The following ITIH6 variants were observed in gnomAD, a reference collection of about 807,000 sequenced individuals.
ITIH6 encodes inter-alpha-trypsin inhibitor heavy chain family member 6, also known as inter-alpha-trypsin inhibitor heavy chain H6.
ITIH6 carries 60 observed loss-of-function variants against 58.2 expected under a neutral mutation model. That is an observed-to-expected ratio of 1.03 (90% CI 0.84 to 1.28). The LOEUF is 1.28. Among genes scored for constraint, ITIH6 ranks in the 50% most tolerant of loss-of-function variants. The pLI, the probability that ITIH6 is intolerant of heterozygous loss-of-function variation, is 0.00. For synonymous variants in ITIH6, 493 were observed against 417.4 expected, an observed-to-expected ratio of 1.18 and a Z score of -2.21; for missense variants, 1,290 against 1,021.1, an observed-to-expected ratio of 1.26 and a Z score of -3.59.
intron 6 of ITIH6, among the ~76,000 whole-genome samples, chrX:54,764,312 G>A (rs1427368657): frequency 3.6e-4 from 38 of 106,418 alleles, no homozygotes; most frequent in Admixed American, 3.4e-3. Flanking sequence ...ACATTGTGCA[G>A]GTTAGTTACA....
At position 54,757,201 on chromosome X, in the gene ITIH6, C is replaced by T. The variant is rs369780798; in HGVS notation, c.2873G>A (p.Gly958Glu). Residue 958 changes from glycine to glutamate, a missense_variant, in exon 8 of 13, where the codon GGA becomes GAA. Physicochemically the swap from Gly to Glu is moderately conservative, Grantham distance 98. Transcript: ENST00000218436. ...PGPQRTRQVL[G>E]PSRPGVPTMS... ...TGTTGGAACTCCTGGCCTAGATGGT[C>T]CCAGAACTTGCCTGGTCCTCTGGGG... The T allele has an allele frequency of 3.3e-6, 4 of 1,201,547 alleles. No homozygotes were observed. In the Admixed American group the frequency reaches 6.6e-5, roughly 20 times the overall value.
rs758361448 is a variant in ITIH6, at chrX:54,758,723, G to T, written c.1351C>A (p.Arg451Ser). The change falls in exon 8 of 13, where the codon CGC (arginine) becomes AGC (serine). Residue 451 changes from arginine to serine, a missense_variant. Physicochemically the swap from Arg to Ser is moderately radical, Grantham distance 110 (BLOSUM62 -1). Transcript: ENST00000218436. Reference protein sequence around the residue: ...LSLENRGIARRIYEDTDAALQ... With the variant: ...LSLENRGIARSIYEDTDAALQ... ...GCCGCATCAGTGTCCTCATATATGC[G>T]CCGGGCTATTCCCCGGTTTTCCAGG... 2 of 1,209,463 alleles carry T rather than the reference G, an allele frequency of 1.7e-6. No individual in the cohort carries two copies. The highest frequency in any genetic ancestry group is 3.0e-5 in the East Asian group (1 of 33,737).
chrX:54,761,600 G>A (rs1392760391), intron 6 of ITIH6, among the ~76,000 whole-genome samples: 1 of 111,315 alleles, frequency 9.0e-6, no homozygotes, highest in Non-Finnish European at 1.9e-5. Context: ...AATCCGTCTT[G>A]AATTAATTTT....
chrX:54,768,568 C>T (rs1157815954), intron 6 of ITIH6, among the ~76,000 whole-genome samples: 8 of 105,929 alleles, frequency 7.6e-5, no homozygotes, highest in South Asian at 8.7e-4. Context: ...CCTTCAGGAG[C>T]TCTTTTAGGG....
At chrX:54,783,087 C>A (rs998830158) in intron 5 of ITIH6, among the ~76,000 whole-genome samples, 2 of 112,269 alleles carry the variant, frequency 1.8e-5, no homozygotes, top group African/African-American at 6.5e-5. Flanking sequence ...AGGACAGAAA[C>A]CATATGATCA....
At chrX:54,789,063 G>C (rs189738723) in intron 4 of ITIH6, among the ~76,000 whole-genome samples, 11 of 112,691 alleles carry the variant, frequency 9.8e-5, no homozygotes, top group South Asian at 3.7e-4. Flanking sequence ...CAGACAGACA[G>C]ACACACAGAC....
In ITIH6 at chrX:54,788,938, T is replaced by C. The variant is rs770475301; in HGVS notation, c.617-289A>G. 1.4e-3 allele frequency among the ~76,000 whole-genome samples: 155 copies of C among 112,443 alleles called. 2 individuals carry two copies. The highest frequency in any genetic ancestry group is 4.5e-3 in the African/African-American group (138 of 30,979). ...GCCCTCACTGGCAACCTCACCCTGC[T>C]TCATTTTCCGTGCAACCTGGGGCCA... On this transcript the variant is annotated intron_variant, in intron 4 of 12. Coordinates refer to ENST00000218436, the MANE Select transcript of ITIH6 (RefSeq NM_198510.3).
chrX:54,758,291 G>C lies in ITIH6; in HGVS notation c.1783C>G (p.Leu595Val). 8.3e-7 allele frequency: 1 copy of C among 1,211,664 alleles called. No homozygotes were observed. Among genetic ancestry groups the C allele is most frequent in the African/African-American group, 1.7e-5 (1 of 57,919 alleles). Residue 595 changes from leucine to valine, a missense_variant, in exon 8 of 13, where the codon CTG becomes GTG. Coordinates refer to ENST00000218436, the MANE Select transcript of ITIH6 (RefSeq NM_198510.3). ...RHLLAAKVLN[L>V]SLEYNFVTPL... ...GTGACAAAGTTGTATTCAAGGGACA[G>C]GTTGAGGACTTTGGCAGCCAGCAGG... is the stretch of plus-strand genomic sequence containing the variant.
intron 6 of ITIH6, among the ~76,000 whole-genome samples, chrX:54,769,941 A>G (rs1376946422): frequency 9.3e-6 from 1 of 107,600 alleles, no homozygotes; most frequent in East Asian, 3.0e-4. Flanking sequence ...TGTTTACCTA[A>G]GCAAGCCTGG....
chrX:54,790,975 G>A lies in ITIH6; in HGVS notation c.478C>T (p.Gln160Ter). 1.6e-6 allele frequency: 2 copies of A among 1,212,341 alleles called. No homozygotes were observed. The highest frequency in any genetic ancestry group is 2.2e-6 in the Non-Finnish European group (2 of 895,593). Reference protein sequence around the residue: ...ELLQRHQGQYQLVVSLRPGQL... With the variant: ...ELLQRHQGQY Reference sequence around the variant, plus strand: ...CCAGGCCTCAGGCTCACCACCAGCTGGTACTGGCCCTGGTGCCGCTGAAGC... The same window carrying A: ...CCAGGCCTCAGGCTCACCACCAGCTAGTACTGGCCCTGGTGCCGCTGAAGC... The change falls in exon 4 of 13, where the codon CAG becomes TAG. Residue 160 changes from glutamine (Q) to a stop codon, truncating the protein, a stop_gained. Transcript: ENST00000218436. LOFTEE classifies it high-confidence loss of function.
In ITIH6 at chrX:54,757,758, T is replaced by C; in HGVS notation, c.2316A>G (p.Lys772=). ...PVKPGIPASP[K]ADTVKCVTPL... ...GAGTAACACATTTCACAGTGTCAGCTTTGGGCGAGGCTGGGATGCCAGGTT... is the reference window on the plus strand; with the variant it reads ...GAGTAACACATTTCACAGTGTCAGCCTTGGGCGAGGCTGGGATGCCAGGTT... Residue 772 remains lysine, a synonymous_variant, in exon 8 of 13, where the codon AAA becomes AAG. Coordinates refer to ENST00000218436, the MANE Select transcript of ITIH6 (RefSeq NM_198510.3). The C allele has an allele frequency of 8.3e-7, 1 of 1,211,668 alleles. No individual in the cohort carries two copies. The highest frequency in any genetic ancestry group is 1.1e-6 in the Non-Finnish European group (1 of 895,466).
In ITIH6 at chrX:54,798,187, G is replaced by A. The variant is rs747871954; in HGVS notation, c.24C>T (p.Ile8=). MSGWRYL[I]CVSFLLTILL... is the part of the protein sequence containing the mutation. ...GAATGGTCAGCAAAAAGCTGACACAGATGAGGTACCTCCACCCAGACATGA... is the reference window on the plus strand; with the variant it reads ...GAATGGTCAGCAAAAAGCTGACACAAATGAGGTACCTCCACCCAGACATGA... The change falls in exon 1 of 13, where the codon ATC becomes ATT. Residue 8 remains isoleucine, a synonymous_variant. Transcript: ENST00000218436. 8.5e-7 allele frequency: 1 copy of A among 1,182,112 alleles called. No individual in the cohort carries two copies.
At chrX:54,753,991 G>A (rs753861550) in intron 9 of ITIH6, 26 bp from the exon 10 acceptor site, 14 of 1,192,545 alleles carry the variant, frequency 1.2e-5, no homozygotes, top group Non-Finnish European at 1.6e-5. Flanking sequence ...AGACTGTGTT[G>A]GGAAGGGACT....
Position 54,751,284 on chromosome X carries a change from T to C in ITIH6, c.3449A>G (p.Asp1150Gly), listed in dbSNP as rs1370247940. The change falls in exon 12 of 13, where the codon GAC becomes GGC. Residue 1150 changes from aspartate (D) to glycine (G), a missense_variant. Asp to Gly is a moderately conservative substitution (Grantham distance 94). Transcript: ENST00000218436. ...TYFQIITVTT[D>G]KPRAYTITIS... ...GGTGATAGTATAGGCCCGGGGTTTG[T>C]CTGTAGTGACTGTGATGATCTGGAA... The C allele has an allele frequency of 8.3e-7, 1 of 1,211,790 alleles. No individual in the cohort carries two copies. The highest frequency in any genetic ancestry group is 2.2e-5 in the Admixed American group (1 of 46,088).
intron 5 of ITIH6, among the ~76,000 whole-genome samples, chrX:54,785,846 T>C (rs1465459316): frequency 9.0e-6 from 1 of 111,568 alleles, no homozygotes; most frequent in Non-Finnish European, 1.9e-5. Context: ...AGCTGCTGGA[T>C]TGGGCTGCTT....
chrX:54,758,171 G>A lies in ITIH6; in HGVS notation c.1903C>T (p.Pro635Ser). ...STSAGPDTIM[P>S]SSSSRHGLGV... ...AGGCCATGCCTGCTGCTGGATGAGG[G>A]CATGATGGTGTCTGGCCCAGCAGAG... Residue 635 changes from proline to serine, a missense_variant, in exon 8 of 13, where the codon CCC (proline) becomes TCC (serine). Transcript: ENST00000218436. The A allele has an allele frequency of 1.7e-6, 2 of 1,211,169 alleles. No homozygotes were observed. The highest frequency in any genetic ancestry group is 2.2e-6 in the Non-Finnish European group (2 of 894,972).
Position 54,757,845 on chromosome X carries a change from A to G in ITIH6, c.2229T>C (p.Ser743=), listed in dbSNP as rs755982547. The part of the protein sequence containing the change: ...SGTLLPLKPG[S]LSHQNPDILP... ...ATATATCAGGATTCTGGTGTGATAG[A>G]GAGCCGGGCTTCAGAGGCAACAGAG... The change falls in exon 8 of 13, where the codon TCT becomes TCC. Residue 743 remains serine (S), a synonymous_variant. Coordinates refer to ENST00000218436, the MANE Select transcript of ITIH6 (RefSeq NM_198510.3). 11 of 1,209,577 alleles carry G rather than the reference A, an allele frequency of 9.1e-6. No individual in the cohort carries two copies. Among genetic ancestry groups the G allele is most frequent in the African/African-American group, 1.8e-5 (1 of 57,023 alleles).
chrX:54,796,477 G>T (rs1929442626), intron 2 of ITIH6, among the ~76,000 whole-genome samples: 1 of 110,825 alleles, frequency 9.0e-6, no homozygotes, highest in African/African-American at 3.3e-5. Context: ...CGAGGTCAGA[G>T]ATTGAGACCA....
In ITIH6 at chrX:54,757,996, C is replaced by T; in HGVS notation, c.2078G>A (p.Ser693Asn). The T allele has an allele frequency of 8.3e-7, 1 of 1,211,801 alleles. No individual in the cohort carries two copies. Among genetic ancestry groups the T allele is most frequent in the Non-Finnish European group, 1.1e-6 (1 of 895,457 alleles). ...TGTGGGCATTGACAGGGTATGAGGGCTCTCTCCCAATGGCTCCAGCTCTTT... is the reference window on the plus strand; with the variant it reads ...TGTGGGCATTGACAGGGTATGAGGGTTCTCTCCCAATGGCTCCAGCTCTTT... ...SSKELEPLGESPHTLSMPTYP... is the reference protein window; with the variant it reads ...SSKELEPLGENPHTLSMPTYP... Residue 693 changes from serine (S) to asparagine (N), a missense_variant, in exon 8 of 13, where the codon AGC (serine) becomes AAC (asparagine). Physicochemically the swap from Ser to Asn is conservative, Grantham distance 46. Coordinates refer to ENST00000218436, the MANE Select transcript of ITIH6 (RefSeq NM_198510.3).
Sources: gnomAD v4.1 joint callset for allele counts (sites outside exome capture counted in the v4.1 genomes callset) on GRCh38, gnomAD v4.1.1 for gene constraint, MANE v1.5 for transcripts, NCBI Gene and HGNC (gene_info 2026-07-23, HGNC 2026-07-21) for gene names.